The following PCDH15 variants were observed in gnomAD, a reference collection of about 807,000 sequenced individuals.
PCDH15 encodes protocadherin related 15.
Under a neutral mutation model 178.5 loss-of-function variants are expected in PCDH15, and 129 were observed. That is an observed-to-expected ratio of 0.72 (90% CI 0.63 to 0.84). The LOEUF (loss-of-function observed/expected upper bound fraction) is 0.84, where lower values mean the gene tolerates loss of function less well. Ranked by LOEUF, PCDH15 falls within the 40% of genes least tolerant of loss-of-function variation. The probability of loss-of-function intolerance (pLI) is 0.00; values close to 1 mark genes in which losing one functional copy is unlikely to be tolerated. For missense variants in PCDH15, 2,230 were observed against 2,099.9 expected (o/e 1.06, Z -1.21); for synonymous variants, 800 against 732.0 (o/e 1.09, Z -1.50).
chr10:54,038,177 T>TA (rs2093462790), intron 18 of PCDH15, among the ~76,000 whole-genome samples: 1 of 151,968 alleles, frequency 6.6e-6, no homozygotes, highest in Admixed American at 6.6e-5. Flanking sequence ...TGAGATATCA[T>TA]AAACTAAATA....
At chr10:55,304,667 T>C (rs1159035324) in intron 1 of PCDH15, among the ~76,000 whole-genome samples, 2 of 152,184 alleles carry the variant, frequency 1.3e-5, no homozygotes, top group Non-Finnish European at 2.9e-5. Context: ...TCTGAACTAA[T>C]TGAGAAAGGA....
At chr10:55,193,953 C>G (rs1461421342) in intron 1 of PCDH15, among the ~76,000 whole-genome samples, 2 of 151,904 alleles carry the variant, frequency 1.3e-5, no homozygotes, top group African/African-American at 4.8e-5. Context: ...ACATAATTTA[C>G]TGAATAATAC....
At chr10:54,551,856 C>A (rs947735646) in intron 2 of PCDH15, among the ~76,000 whole-genome samples, 1 of 151,838 alleles carries the variant, frequency 6.6e-6, no homozygotes, top group Non-Finnish European at 1.5e-5. Context: ...CTGAGCTCAC[C>A]TATAGCCCAC....
At chr10:55,294,208 A>T (rs569869740) in intron 1 of PCDH15, among the ~76,000 whole-genome samples, 1 of 152,160 alleles carries the variant, frequency 6.6e-6, no homozygotes, top group Non-Finnish European at 1.5e-5. Flanking sequence ...CAAGAACAAA[A>T]CAGGAAAAAC....
intron 3 of PCDH15, among the ~76,000 whole-genome samples, chr10:54,435,577 G>A (rs2075327259): frequency 6.6e-6 from 1 of 152,134 alleles, no homozygotes; most frequent in Admixed American, 6.5e-5. Flanking sequence ...AGCATTAAAT[G>A]TCACACAAGT....
chr10:53,823,184 T>C lies in PCDH15; in HGVS notation c.4368-2954A>G, dbSNP rs369183721. 2.9e-5 allele frequency: 46 copies of C among 1,613,942 alleles called. No homozygotes were observed. The Middle Eastern group carries it at 4.9e-4, about 17-fold the overall frequency. On this transcript the variant is annotated intron_variant, in intron 32 of 37. Coordinates refer to ENST00000644397, the MANE Select transcript of PCDH15 (RefSeq NM_001384140.1). ...TTAAGTCATCCTCATCAGATAGAAA[T>C]GTGAATTTTCTTGCAGACTTCAGTT...
chr10:54,924,472 G>A lies in PCDH15; in HGVS notation c.-79-26972C>T, dbSNP rs181928222. Among the ~76,000 whole-genome samples the A allele has an allele frequency of 4.9e-4, 68 of 137,602 alleles. 5 individuals carry two copies. The highest frequency in any genetic ancestry group is 1.4e-3 in the African/African-American group (57 of 39,984). 90.3% of individuals were successfully genotyped at this position (137,602 alleles called of 152,430 possible). ...TGGGTATATGCCCAGTAATGTGATT[G>A]CTGGGTTGAATAGTAGTTCTGTTAT... is the stretch of plus-strand genomic sequence containing the variant. On this transcript the variant is annotated intron_variant, in intron 2 of 5. Transcript: ENST00000458638.
chr10:54,901,245 G>T (rs1954634631), intron 2 of PCDH15, among the ~76,000 whole-genome samples: 1 of 152,108 alleles, frequency 6.6e-6, no homozygotes, highest in Non-Finnish European at 1.5e-5. Flanking sequence ...AGTGGAGGTT[G>T]CAGTGAGCTG....
At chr10:55,461,515 C>T (rs1358463802) in intron 2 of PCDH15, among the ~76,000 whole-genome samples, 1 of 136,700 alleles carries the variant, frequency 7.3e-6, no homozygotes, top group East Asian at 2.3e-4. Context: ...TTTGACAATG[C>T]ATATGAGCTT....
chr10:53,973,712 T>C (rs998485577), intron 21 of PCDH15, among the ~76,000 whole-genome samples: 1 of 152,086 alleles, frequency 6.6e-6, no homozygotes, highest in Non-Finnish European at 1.5e-5. Context: ...GTATTACCAC[T>C]AGACCACAGC....
intron 16 of PCDH15, among the ~76,000 whole-genome samples, chr10:54,080,055 G>T (rs2094411832): frequency 1.3e-5 from 2 of 151,822 alleles, no homozygotes; most frequent in Admixed American, 6.6e-5. Flanking sequence ...TTTCAGAAGA[G>T]GAATCATTCT....
intron 1 of PCDH15, among the ~76,000 whole-genome samples, chr10:55,255,671 T>A (rs1017227211): frequency 6.6e-6 from 1 of 152,198 alleles, no homozygotes; most frequent in Non-Finnish European, 1.5e-5. Flanking sequence ...GGTATCTCAT[T>A]GTGGTTTTGA....
At chr10:54,083,961 C>T (rs1048009393) in intron 16 of PCDH15, among the ~76,000 whole-genome samples, 1 of 152,002 alleles carries the variant, frequency 6.6e-6, no homozygotes, top group African/African-American at 2.4e-5. Context: ...CGCGGTGGCT[C>T]ACGCCTGTAA....
intron 10 of PCDH15, among the ~76,000 whole-genome samples, chr10:54,200,571 T>G (rs554904833): frequency 6.6e-6 from 1 of 152,150 alleles, no homozygotes; most frequent in South Asian, 2.1e-4. Flanking sequence ...ACTTCAATCA[T>G]ACTTTTGCCT....
At chr10:53,949,532 A>T (rs2134164193) in intron 23 of PCDH15, among the ~76,000 whole-genome samples, 1 of 152,276 alleles carries the variant, frequency 6.6e-6, no homozygotes, top group Non-Finnish European at 1.5e-5. Flanking sequence ...TTTTATAAGA[A>T]TGATAGCCTG....
chr10:55,255,221 T>C (rs1453451352), intron 1 of PCDH15, among the ~76,000 whole-genome samples: 11 of 86,512 alleles, frequency 1.3e-4, no homozygotes, highest in East Asian at 9.6e-4. Context: ...TTTGTCCTTG[T>C]GATAGTTTGC....
At chr10:55,386,990 T>C (rs560850230) in intron 2 of PCDH15, among the ~76,000 whole-genome samples, 5 of 152,172 alleles carry the variant, frequency 3.3e-5, no homozygotes, top group African/African-American at 1.2e-4. Flanking sequence ...GAGGAAATCG[T>C]GAGAAACTAT....
chr10:54,288,967 C>T (rs1472663182), intron 8 of PCDH15, among the ~76,000 whole-genome samples: 1 of 152,256 alleles, frequency 6.6e-6, no homozygotes, highest in Non-Finnish European at 1.5e-5. Flanking sequence ...CAGGCAACTT[C>T]TGCAGACTTA....
intron 2 of PCDH15, among the ~76,000 whole-genome samples, chr10:54,594,285 C>T (rs2092071843): frequency 1.3e-5 from 2 of 152,116 alleles, no homozygotes; most frequent in African/African-American, 4.8e-5. Flanking sequence ...TAGTGGAGAA[C>T]AGCCAGGGAT....
Sources: allele counts gnomAD v4.1 joint callset (sites outside exome capture counted in the v4.1 genomes callset), GRCh38; gene constraint gnomAD v4.1.1; transcripts MANE v1.5; gene names NCBI Gene and HGNC (gene_info 2026-07-23, HGNC 2026-07-21).